Variants in MAMDC2 observed in about 807,000 individuals in gnomAD.
MAMDC2 encodes the protein MAM domain-containing protein 2.
MAMDC2 carries 57 observed loss-of-function variants against 89.8 expected under a neutral mutation model. The ratio of observed to expected loss-of-function variants is 0.63; its 90% CI spans 0.51 to 0.79. MAMDC2 has a LOEUF of 0.79. Among genes scored for constraint, MAMDC2 ranks in the 30% least tolerant of loss-of-function variants. The pLI is 0.00. For synonymous variants in MAMDC2, 313 were observed against 293.4 expected (o/e 1.07, Z -0.68); for missense variants, 800 against 820.6 (o/e 0.97, Z 0.31).
At chr9:70,206,627 ATCTT>A (rs1343153729) in intron 11 of MAMDC2, among the ~76,000 whole-genome samples, 1 of 152,006 alleles carries the variant, frequency 6.6e-6, no homozygotes, top group Admixed American at 6.6e-5. Flanking sequence ...TTTGGTATAT[ATCTT>A]TTTTTATTAT....
intron 9 of MAMDC2, among the ~76,000 whole-genome samples, chr9:70,159,079 C>CACACAT (rs1342129490): frequency 6.7e-6 from 1 of 150,280 alleles, no homozygotes; most frequent in African/African-American, 2.5e-5. Context: ...CACACACACA[C>CACACAT]GTATAACATT....
At chr9:70,082,410 G>A (rs1468300796) in intron 2 of MAMDC2, among the ~76,000 whole-genome samples, 1 of 152,006 alleles carries the variant, frequency 6.6e-6, no homozygotes, top group African/African-American at 2.4e-5. Context: ...TTTTAAAAAA[G>A]GCATCTTCAA....
intron 2 of MAMDC2, among the ~76,000 whole-genome samples, chr9:70,051,884 G>GAT (rs1201835701): frequency 4.0e-5 from 5 of 124,310 alleles, no homozygotes; most frequent in Admixed American, 8.9e-5. Flanking sequence ...TATCTAGATA[G>GAT]ATAGAGATAG....
chr9:70,112,647 A>G (rs2975889), intron 4 of MAMDC2, among the ~76,000 whole-genome samples: 3,289 of 152,268 alleles, frequency 0.022, 127 homozygotes, highest in African/African-American at 0.075. Flanking sequence ...GCCTGGCACT[A>G]TGCTGGGAGC....
intron 11 of MAMDC2, among the ~76,000 whole-genome samples, chr9:70,208,256 A>G (rs539604501): frequency 5.4e-4 from 82 of 152,262 alleles, no homozygotes; most frequent in African/African-American, 1.9e-3. Flanking sequence ...GATTCTTCCT[A>G]TCCATGAGCA....
In MAMDC2 at chr9:70,058,230, A is replaced by C. The variant is rs567577397; in HGVS notation, c.148+13533A>C. Among the ~76,000 whole-genome samples, 3 of 152,334 alleles carry C rather than the reference A, an allele frequency of 2.0e-5. No individual in the cohort carries two copies. In the East Asian group the frequency reaches 5.8e-4, roughly 29 times the overall value. The stretch of plus-strand genomic sequence containing the variant: ...TAATTCTTATAATCCCCCTATGAAG[A>C]AAATGTTCTTTACAGATGAAGAAAT... On this transcript the variant is annotated intron_variant, in intron 2 of 13. Transcript: ENST00000377182.
chr9:70,106,646 C>T (rs1182192505), intron 2 of MAMDC2, among the ~76,000 whole-genome samples: 2 of 152,160 alleles, frequency 1.3e-5, no homozygotes, highest in Non-Finnish European at 2.9e-5. Context: ...GTCGCCTGTA[C>T]GTGGGAGGTA....
intron 11 of MAMDC2, among the ~76,000 whole-genome samples, chr9:70,179,697 T>C (rs146530859): frequency 1.3e-5 from 2 of 149,822 alleles, no homozygotes; most frequent in East Asian, 2.0e-4. Context: ...AGCCAGAAGA[T>C]ATATGCTCCT....
intron 11 of MAMDC2, among the ~76,000 whole-genome samples, chr9:70,184,314 T>G (rs1293090718): frequency 1.3e-5 from 2 of 152,180 alleles, no homozygotes; most frequent in Non-Finnish European, 2.9e-5. Flanking sequence ...GCCTTTAACA[T>G]TTTTTCTTTC....
At chr9:70,156,448 A>G (rs769722990) in intron 9 of MAMDC2, among the ~76,000 whole-genome samples, 5 of 152,216 alleles carry the variant, frequency 3.3e-5, no homozygotes, top group Non-Finnish European at 7.3e-5. Context: ...CAATGTGTAG[A>G]CAAGACACAT....
chr9:70,199,109 A>T (rs1458127248), intron 11 of MAMDC2, among the ~76,000 whole-genome samples: 1 of 150,742 alleles, frequency 6.6e-6, no homozygotes, highest in Non-Finnish European at 1.5e-5. Context: ...CACATTGTAC[A>T]GGTTAGTTAC....
rs375704580 is a variant in MAMDC2 at position 70,143,724 on chromosome 9, C to A, written c.1309C>A (p.His437Asn). Residue 437 changes from histidine (H) to asparagine (N), a missense_variant, in exon 9 of 14, where the codon CAT (histidine) becomes AAT (asparagine). Transcript: ENST00000377182. Reference sequence around the variant, plus strand: ...AGCAGTTTACATCTTTGAAGAGAACCATGTGGTTCAAGAGAAGATCTGGTC... The same window carrying A: ...AGCAGTTTACATCTTTGAAGAGAACAATGTGGTTCAAGAGAAGATCTGGTC... ...TLAVYIFEEN[H>N]VVQEKIWSVL... 6.2e-7 allele frequency: 1 copy of A among 1,613,964 alleles called. No homozygotes were observed. Among genetic ancestry groups the A allele is most frequent in the Non-Finnish European group, 8.5e-7 (1 of 1,180,002 alleles).
intron 9 of MAMDC2, among the ~76,000 whole-genome samples, chr9:70,148,826 G>A (rs181323532): frequency 1.2e-4 from 18 of 149,752 alleles, no homozygotes; most frequent in African/African-American, 4.2e-4. Flanking sequence ...TCAGGAGATC[G>A]AGACCATCCT....
At chr9:70,152,157 C>G (rs1012143270) in intron 9 of MAMDC2, among the ~76,000 whole-genome samples, 2 of 152,176 alleles carry the variant, frequency 1.3e-5, no homozygotes, top group African/African-American at 4.8e-5. Flanking sequence ...GTTGCTTTAC[C>G]TTGCTTTCTC....
chr9:70,164,953 T>A (rs1181967001), intron 9 of MAMDC2, among the ~76,000 whole-genome samples: 1 of 146,792 alleles, frequency 6.8e-6, no homozygotes, highest in African/African-American at 2.5e-5. Flanking sequence ...AATATTTAAT[T>A]TAATATTTAA....
Position 70,195,440 on chromosome 9 carries a change from T to C in MAMDC2, c.1652-22897T>C, listed in dbSNP as rs573813394. 1.4e-3 allele frequency among the ~76,000 whole-genome samples: 210 copies of C among 152,226 alleles called. 1 individual carries two copies. Among genetic ancestry groups the C allele is most frequent in the Admixed American group, 3.0e-3 (46 of 15,276 alleles). ...GAAAGTTTTCTGACATAGATGCTACTTACAGTAGTCCCCTCTTATCTGTGA... is the reference window on the plus strand; with the variant it reads ...GAAAGTTTTCTGACATAGATGCTACCTACAGTAGTCCCCTCTTATCTGTGA... On this transcript the variant is annotated intron_variant, in intron 11 of 13. Coordinates refer to ENST00000377182, the MANE Select transcript of MAMDC2 (RefSeq NM_153267.5).
At position 70,119,727 on chromosome 9, in the gene MAMDC2, C is replaced by T. The variant is rs931259458; in HGVS notation, c.644-6432C>T. ...GAGAAAGGTTTGTGCTTTGTCTCTT[C>T]ATACTTCACCTTTTTCTTCCCTACT... On this transcript the variant is annotated intron_variant, in intron 5 of 13. Coordinates refer to ENST00000377182, the MANE Select transcript of MAMDC2 (RefSeq NM_153267.5). Among the ~76,000 whole-genome samples the T allele has an allele frequency of 2.7e-4, 41 of 152,222 alleles. 1 individual carries two copies. Among genetic ancestry groups the T allele is most frequent in the Admixed American group, 2.7e-3 (41 of 15,282 alleles).
rs998546706 is a variant in MAMDC2, at chr9:70,226,059, A to T, written c.*27A>T. The T allele has an allele frequency of 1.5e-6, 2 of 1,327,724 alleles. No homozygotes were observed. Among genetic ancestry groups the T allele is most frequent in the African/African-American group, 1.5e-5 (1 of 67,648 alleles). The allele number at this position is 1,327,724 out of a possible 1,614,324, so 82.2% of individuals were successfully genotyped here. On this transcript the variant is annotated 3_prime_UTR_variant, in exon 14 of 14. Coordinates refer to ENST00000377182, the MANE Select transcript of MAMDC2 (RefSeq NM_153267.5). ...AAATGATCTGCATTGGATTTACTAGACGAAAACCATACCTCTCTTCAATCA... is the reference window on the plus strand; with the variant it reads ...AAATGATCTGCATTGGATTTACTAGTCGAAAACCATACCTCTCTTCAATCA...
At chr9:70,118,844 A>T (rs1313776958) in intron 5 of MAMDC2, among the ~76,000 whole-genome samples, 1 of 152,214 alleles carries the variant, frequency 6.6e-6, no homozygotes, top group Non-Finnish European at 1.5e-5. Context: ...AAAAGCAAAG[A>T]GTGAATGTAA....
Sources: allele counts gnomAD v4.1 joint callset (sites outside exome capture counted in the v4.1 genomes callset), GRCh38; gene constraint gnomAD v4.1.1; transcripts MANE v1.5; gene names NCBI Gene and HGNC (gene_info 2026-07-23, HGNC 2026-07-21).